CTNNA3: variants seen among roughly 807,000 people sequenced by gnomAD.
CTNNA3 encodes the protein catenin alpha-3.
Under a neutral mutation model 95.7 loss-of-function variants are expected in CTNNA3, and 76 were observed. The observed-to-expected ratio is 0.79, with a 90% CI of 0.66 to 0.96. CTNNA3 has a LOEUF of 0.96. Ranked by LOEUF, CTNNA3 falls within the 40% of genes least tolerant of loss-of-function variation. CTNNA3 has a pLI of 0.00. For missense variants in CTNNA3, 1,191 were observed against 1,089.8 expected (o/e 1.09, Z -1.31); for synonymous variants, 431 against 374.4 (o/e 1.15, Z -1.74).
At chr10:65,945,974 T>C (rs1281344611) in intron 17 of CTNNA3, among the ~76,000 whole-genome samples, 1 of 152,160 alleles carries the variant, frequency 6.6e-6, no homozygotes, top group Non-Finnish European at 1.5e-5. Flanking sequence ...TGCTCAATTT[T>C]ACATTTTCAC....
intron 13 of CTNNA3, among the ~76,000 whole-genome samples, chr10:66,147,204 T>A (rs2083930876): frequency 6.6e-6 from 1 of 152,120 alleles, no homozygotes; most frequent in African/African-American, 2.4e-5. Context: ...ATTAAGAAAT[T>A]ATCTCTGTAA....
intron 12 of CTNNA3, among the ~76,000 whole-genome samples, chr10:66,326,946 T>C (rs1589091168): frequency 1.3e-5 from 2 of 152,262 alleles, no homozygotes; most frequent in African/African-American, 4.8e-5. Context: ...AATTCTGTCA[T>C]AATTACTTAC....
intron 5 of CTNNA3, among the ~76,000 whole-genome samples, chr10:67,222,745 T>C (rs949193818): frequency 1.3e-5 from 2 of 152,236 alleles, no homozygotes; most frequent in Non-Finnish European, 2.9e-5. Flanking sequence ...TCTCTGATAT[T>C]ACTGTACAAT....
At chr10:66,282,166 TCA>T (rs1189388974) in intron 12 of CTNNA3, among the ~76,000 whole-genome samples, 3 of 151,718 alleles carry the variant, frequency 2.0e-5, no homozygotes, top group African/African-American at 4.8e-5. Flanking sequence ...AACCTTCAAA[TCA>T]CAGTCTCCCT....
chr10:66,511,453 TCA>T (rs1840654925), intron 11 of CTNNA3, among the ~76,000 whole-genome samples: 1 of 140,542 alleles, frequency 7.1e-6, no homozygotes, highest in Admixed American at 7.5e-5. Context: ...TTGAGGTGTA[TCA>T]CTAGGTTATT....
chr10:66,594,196 A>G (rs186975893), intron 10 of CTNNA3, among the ~76,000 whole-genome samples: 18 of 152,152 alleles, frequency 1.2e-4, no homozygotes, highest in African/African-American at 3.6e-4. Flanking sequence ...GAGAGTCTAC[A>G]CCTCATCTTG....
At chr10:66,244,051 A>AT (rs2090209537) in intron 13 of CTNNA3, among the ~76,000 whole-genome samples, 1 of 152,176 alleles carries the variant, frequency 6.6e-6, no homozygotes, top group South Asian at 2.1e-4. Context: ...ACCTTGTAGC[A>AT]TTTACCACAA....
chr10:66,115,656 C>A (rs573542052), intron 13 of CTNNA3, among the ~76,000 whole-genome samples: 2 of 151,892 alleles, frequency 1.3e-5, no homozygotes, highest in African/African-American at 4.8e-5. Context: ...GACACGATGT[C>A]TTTTACTTTC....
At chr10:66,783,481 G>T (rs560523876) in intron 7 of CTNNA3, among the ~76,000 whole-genome samples, 2 of 152,184 alleles carry the variant, frequency 1.3e-5, no homozygotes, top group South Asian at 4.2e-4. Flanking sequence ...ACTCATTCTA[G>T]AAATCCTTTT....
In CTNNA3 at chr10:67,156,539, T is replaced by C. The variant is rs1589803894; in HGVS notation, c.1047+23778A>G. 2.0e-5 allele frequency among the ~76,000 whole-genome samples: 3 copies of C among 152,240 alleles called. No homozygotes were observed. The South Asian group carries it at 6.2e-4, about 32-fold the overall frequency. On this transcript the variant is annotated intron_variant, in intron 7 of 17. Coordinates refer to ENST00000433211, the MANE Select transcript of CTNNA3 (RefSeq NM_013266.4). ...TTAGATTTATTCTTTAACTTGTTGT[T>C]TATGCAAGAGTATATTGTTTAATTT...
At chr10:66,885,237 G>A (rs1461986111) in intron 7 of CTNNA3, among the ~76,000 whole-genome samples, 1 of 152,074 alleles carries the variant, frequency 6.6e-6, no homozygotes, top group African/African-American at 2.4e-5. Flanking sequence ...GTCTTATTTG[G>A]ACATATGATA....
intron 12 of CTNNA3, among the ~76,000 whole-genome samples, chr10:66,323,161 G>A (rs1183183794): frequency 6.6e-6 from 1 of 151,972 alleles, no homozygotes; most frequent in Admixed American, 6.6e-5. Context: ...AATGATACAG[G>A]AGGTAAATGT....
chr10:66,511,981 A>T (rs1382453428), intron 11 of CTNNA3, among the ~76,000 whole-genome samples: 1 of 151,864 alleles, frequency 6.6e-6, no homozygotes, highest in Non-Finnish European at 1.5e-5. Context: ...AAAGTTCTCA[A>T]CTATTATTAC....
At chr10:66,023,148 T>C (rs934717230) in intron 15 of CTNNA3, among the ~76,000 whole-genome samples, 2 of 152,220 alleles carry the variant, frequency 1.3e-5, no homozygotes, top group African/African-American at 4.8e-5. Flanking sequence ...TTGTACATAA[T>C]AAATGTTTTT....
chr10:66,056,184 T>C (rs549522535), intron 15 of CTNNA3, among the ~76,000 whole-genome samples: 1 of 152,236 alleles, frequency 6.6e-6, no homozygotes, highest in East Asian at 1.9e-4. Context: ...TTTATCTTAT[T>C]GAGATATTTT....
chr10:66,495,977 C>G (rs985465016), intron 11 of CTNNA3, among the ~76,000 whole-genome samples: 1 of 152,070 alleles, frequency 6.6e-6, no homozygotes, highest in African/African-American at 2.4e-5. Context: ...TTTTGTTTAG[C>G]TTATTTATAG....
At chr10:67,267,538 T>C (rs893673931) in intron 5 of CTNNA3, among the ~76,000 whole-genome samples, 4 of 152,118 alleles carry the variant, frequency 2.6e-5, no homozygotes, top group Non-Finnish European at 5.9e-5. Context: ...CTAATTTTTT[T>C]GTATTTTTTA....
At chr10:66,242,480 C>A in intron 13 of CTNNA3, among the ~76,000 whole-genome samples, 1 of 151,636 alleles carries the variant, frequency 6.6e-6, no homozygotes, top group Non-Finnish European at 1.5e-5. Context: ...CGAAGAACTG[C>A]CAAAAGTAAA....
rs964970809 is a variant in CTNNA3, at chr10:65,915,703, C to G, written c.*4627G>C. 3 of 152,140 alleles carry G rather than the reference C, an allele frequency of 2.0e-5. No individual in the cohort carries two copies. The highest frequency in any genetic ancestry group is 2.9e-5 in the Non-Finnish European group (2 of 68,016). 9.4% of individuals were successfully genotyped at this position (152,140 alleles called of 1,614,324 possible). ...GGTCAGGTTGAGTTCCATTTGGAGA[C>G]AGCTCTCTCAATTAACATTACTTTC... On this transcript the variant is annotated 3_prime_UTR_variant, in exon 18 of 18. Coordinates refer to ENST00000433211, the MANE Select transcript of CTNNA3 (RefSeq NM_013266.4).
Sources: allele counts gnomAD v4.1 joint callset (sites outside exome capture counted in the v4.1 genomes callset), GRCh38; gene constraint gnomAD v4.1.1; transcripts MANE v1.5; gene names NCBI Gene and HGNC (gene_info 2026-07-23, HGNC 2026-07-21).